Variants in RHBDL3 observed in about 807,000 individuals in gnomAD.
RHBDL3 encodes the protein rhomboid like 3.
RHBDL3 carries 28 observed loss-of-function variants against 48.2 expected under a neutral mutation model. The observed-to-expected ratio is 0.58, with a 90% confidence interval of 0.43 to 0.80. The LOEUF is 0.80. RHBDL3 is among the 30% of genes least tolerant of loss of function. RHBDL3 has a pLI of 0.00. For synonymous variants in RHBDL3, 208 were observed against 232.3 expected, an observed-to-expected ratio of 0.90 and a Z score of 0.95; for missense variants, 464 against 542.7, an observed-to-expected ratio of 0.85 and a Z score of 1.44.
intron 4 of RHBDL3, among the ~76,000 whole-genome samples, chr17:32,290,621 C>G (rs1396400434): frequency 6.6e-6 from 1 of 152,058 alleles, no homozygotes; most frequent in African/African-American, 2.4e-5. Flanking sequence ...GGGTCCACTA[C>G]CAGCAAGCAA....
chr17:32,306,937 A>G (rs545938860), intron 7 of RHBDL3, among the ~76,000 whole-genome samples: 1 of 152,302 alleles, frequency 6.6e-6, no homozygotes, highest in African/African-American at 2.4e-5. Context: ...AAGAAAAGAA[A>G]AGAAAAGTAA....
At position 32,324,558 on chromosome 17, in the gene RHBDL3, G is replaced by A. The variant is rs890115170; in HGVS notation, c.*3329G>A. ...GAAAAAACAAAACACAGACTGCAATGTTTGTTTCTAAGTATTTTTGTATTG... is the reference window on the plus strand; with the variant it reads ...GAAAAAACAAAACACAGACTGCAATATTTGTTTCTAAGTATTTTTGTATTG... On this transcript the variant is annotated 3_prime_UTR_variant, in exon 9 of 9. Coordinates refer to ENST00000269051, the MANE Select transcript of RHBDL3 (RefSeq NM_138328.3). 3.3e-5 allele frequency: 5 copies of A among 152,536 alleles called. No homozygotes were observed. The highest frequency in any genetic ancestry group is 4.8e-5 in the African/African-American group (2 of 41,422). 9.4% of individuals were successfully genotyped at this position (152,536 alleles called of 1,614,324 possible).
chr17:32,305,151 A>C (rs988473253), intron 6 of RHBDL3, among the ~76,000 whole-genome samples, 190 bp from the exon 7 acceptor site: 1 of 133,288 alleles, frequency 7.5e-6, no homozygotes, highest in Non-Finnish European at 1.6e-5. Context: ...GAAAGGAAGG[A>C]AGGGAGGGAG....
chr17:32,274,712 T>C (rs1045937132), intron 2 of RHBDL3, among the ~76,000 whole-genome samples: 1 of 152,048 alleles, frequency 6.6e-6, no homozygotes, highest in Non-Finnish European at 1.5e-5. Context: ...CTATTTAAAA[T>C]AAAAAGGGAA....
chr17:32,273,674 T>G (rs2039828132), intron 2 of RHBDL3, among the ~76,000 whole-genome samples: 2 of 152,246 alleles, frequency 1.3e-5, no homozygotes, highest in Non-Finnish European at 2.9e-5. Context: ...TAAATACTGT[T>G]GTGTGTTACA....
intron 2 of RHBDL3, among the ~76,000 whole-genome samples, chr17:32,281,743 C>T (rs556513370): frequency 6.6e-6 from 1 of 152,364 alleles, no homozygotes; most frequent in African/African-American, 2.4e-5. Context: ...AGAGCTGTTG[C>T]TGTCCGGGGC....
chr17:32,293,257 G>A (rs1477203923), intron 4 of RHBDL3, among the ~76,000 whole-genome samples: 3 of 151,978 alleles, frequency 2.0e-5, no homozygotes, highest in Non-Finnish European at 2.9e-5. Context: ...AGTGATGGTA[G>A]CGCAGCAACA....
intron 3 of RHBDL3, among the ~76,000 whole-genome samples, chr17:32,287,140 T>C (rs1340795752): frequency 1.3e-5 from 2 of 152,190 alleles, no homozygotes; most frequent in Non-Finnish European, 2.9e-5. Context: ...GTAAGCTCCA[T>C]GAGGCCTGGG....
At chr17:32,314,526 T>A (rs1353675678) in intron 7 of RHBDL3, among the ~76,000 whole-genome samples, 1 of 151,978 alleles carries the variant, frequency 6.6e-6, no homozygotes, top group Admixed American at 6.6e-5. Flanking sequence ...GGAGGGGACA[T>A]TATAGGGAAG....
chr17:32,276,226 T>C (rs996352476), intron 2 of RHBDL3, among the ~76,000 whole-genome samples: 19 of 149,442 alleles, frequency 1.3e-4, no homozygotes, highest in Admixed American at 1.1e-3. Context: ...CCAGACTTAC[T>C]CTAGGGTTGG....
intron 2 of RHBDL3, among the ~76,000 whole-genome samples, chr17:32,283,550 C>G (rs571122045): frequency 1.3e-5 from 2 of 152,082 alleles, no homozygotes; most frequent in South Asian, 2.1e-4. Context: ...GTCTCCATCT[C>G]CTGACCTTGT....
chr17:32,298,865 C>A, intron 6 of RHBDL3, among the ~76,000 whole-genome samples: 1 of 152,204 alleles, frequency 6.6e-6, no homozygotes, highest in East Asian at 1.9e-4. Flanking sequence ...AGTGATCATC[C>A]TTCATGGATA....
chr17:32,320,513 T>G (rs2041099639), intron 8 of RHBDL3, among the ~76,000 whole-genome samples: 1 of 152,052 alleles, frequency 6.6e-6, no homozygotes, highest in African/African-American at 2.4e-5. Flanking sequence ...TAGTAGAGAC[T>G]GGGTTTCACC....
intron 5 of RHBDL3, among the ~76,000 whole-genome samples, chr17:32,297,596 T>C (rs2150729729): frequency 6.8e-6 from 1 of 147,840 alleles, no homozygotes; most frequent in African/African-American, 2.4e-5. Flanking sequence ...TAACTGTGGC[T>C]GGTCACTATC....
At chr17:32,276,439 G>C (rs966965814) in intron 2 of RHBDL3, among the ~76,000 whole-genome samples, 1 of 152,156 alleles carries the variant, frequency 6.6e-6, no homozygotes, top group African/African-American at 2.4e-5. Context: ...CCTAATTTAC[G>C]GGGCTGTAAA....
chr17:32,285,529 C>T (rs1002885848), intron 3 of RHBDL3, among the ~76,000 whole-genome samples: 1 of 152,080 alleles, frequency 6.6e-6, no homozygotes. Flanking sequence ...TCTGTTATCT[C>T]GGAGCAGAGA....
intron 7 of RHBDL3, 53 bp downstream of exon 7, chr17:32,305,494 C>T (rs2040688108): frequency 7.7e-7 from 1 of 1,294,130 alleles, no homozygotes; most frequent in Non-Finnish European, 1.1e-6. Context: ...TCTGCCATCA[C>T]TGGGCCTGAG....
intron 7 of RHBDL3, among the ~76,000 whole-genome samples, chr17:32,314,391 A>G (rs115574334): frequency 6.7e-6 from 1 of 149,942 alleles, no homozygotes; most frequent in Non-Finnish European, 1.5e-5. Flanking sequence ...TTTTATTTTT[A>G]TTTTTTTTGA....
chr17:32,306,076 T>A (rs1288827399), intron 7 of RHBDL3, among the ~76,000 whole-genome samples: 1 of 152,134 alleles, frequency 6.6e-6, no homozygotes, highest in African/African-American at 2.4e-5. Context: ...AAAGTCACAG[T>A]CAAGTTTGTG....
Sources: allele counts gnomAD v4.1 joint callset (sites outside exome capture counted in the v4.1 genomes callset), GRCh38; gene constraint gnomAD v4.1.1; transcripts MANE v1.5; gene names NCBI Gene and HGNC (gene_info 2026-07-23, HGNC 2026-07-21).